MDC1: variants seen among roughly 807,000 people sequenced by gnomAD.
The protein encoded by MDC1 is mediator of DNA damage checkpoint 1, also known as mediator of DNA damage checkpoint protein 1.
In MDC1, 81 loss-of-function variants were observed where a neutral mutation model predicts 142.5. The ratio of observed to expected loss-of-function variants is 0.57; its 90% CI spans 0.47 to 0.68. The LOEUF (loss-of-function observed/expected upper bound fraction) is 0.68. Among genes scored for constraint, MDC1 ranks in the 30% least tolerant of loss-of-function variants. The probability of loss-of-function intolerance (pLI) is 0.00; values close to 1 mark genes in which losing one functional copy is unlikely to be tolerated. For missense variants in MDC1, 2,119 were observed against 2,547.9 expected (o/e 0.83, Z 3.62); for synonymous variants, 797 against 968.4 (o/e 0.82, Z 3.29).
chr6:30,711,306 G>T, intron 7 of MDC1, 106 bp downstream of exon 7: 1 of 1,001,180 alleles, frequency 1.0e-6, no homozygotes, highest in Non-Finnish European at 1.5e-6. Context: ...GGGAGGCGGA[G>T]GTTACAGTGA....
At chr6:30,700,816 T>A (rs1772497871) in intron 14 of MDC1, among the ~76,000 whole-genome samples, 184 bp from the exon 15 acceptor site, 1 of 146,884 alleles carries the variant, frequency 6.8e-6, no homozygotes, top group Non-Finnish European at 1.5e-5. Flanking sequence ...TGCCTGTAAT[T>A]ACACAGCACT....
Position 30,705,921 on chromosome 6 carries a change from C to T in MDC1, c.3262G>A (p.Glu1088Lys). Residue 1088 changes from glutamate (E) to lysine (K), a missense_variant, in exon 10 of 15, where the codon GAA becomes AAA. Transcript: ENST00000376406. ...VRKTRQDGSQ[E>K]APEAPLSSEL... The stretch of plus-strand genomic sequence containing the variant: ...GAGGACAAGGGAGCCTCTGGAGCTT[C>T]CTGACTCCCATCTTGCCTGGTCTTA... 6.2e-7 allele frequency: 1 copy of T among 1,613,870 alleles called. No homozygotes were observed. Among genetic ancestry groups the T allele is most frequent in the Non-Finnish European group, 8.5e-7 (1 of 1,179,894 alleles).
Position 30,707,921 on chromosome 6 carries a change from A to G in MDC1, c.2658T>C (p.Asp886=), listed in dbSNP as rs1173410609. ...CAATTTCTACCTTCAAACTCTCCCTATCTCTTTCAGGACTTGCACTTTCCC... is the reference window on the plus strand; with the variant it reads ...CAATTTCTACCTTCAAACTCTCCCTGTCTCTTTCAGGACTTGCACTTTCCC... The part of the protein sequence containing the change: ...KNGESASPER[D]RESLKVEIET... The change falls in exon 8 of 15, where the codon GAT becomes GAC. Residue 886 remains aspartate (D), a synonymous_variant. Coordinates refer to ENST00000376406, the MANE Select transcript of MDC1 (RefSeq NM_014641.3). 1.2e-6 allele frequency: 2 copies of G among 1,612,638 alleles called. No individual in the cohort carries two copies. The highest frequency in any genetic ancestry group is 2.7e-5 in the African/African-American group (2 of 74,854).
chr6:30,703,853 T>G lies in MDC1; in HGVS notation c.5330A>C (p.Gln1777Pro). The G allele has an allele frequency of 6.2e-7, 1 of 1,613,768 alleles. No homozygotes were observed. Among genetic ancestry groups the G allele is most frequent in the Non-Finnish European group, 8.5e-7 (1 of 1,179,846 alleles). The change falls in exon 10 of 15, where the codon CAG (glutamine) becomes CCG (proline). Residue 1777 changes from glutamine to proline, a missense_variant. Physicochemically the swap from Gln to Pro is moderately conservative, Grantham distance 76. Coordinates refer to ENST00000376406, the MANE Select transcript of MDC1 (RefSeq NM_014641.3). The surrounding 1 kb of genome is among the most constrained non-coding windows in gnomAD (Gnocchi z 4.4). ...GGCATGAATTGGTGTCTCAAGAAGC[T>G]GGGGAGAGGCAGGCTCAGGAATGGC... is the stretch of plus-strand genomic sequence containing the variant. ...LTAIPEPASP[Q>P]LLETPIHASQ...
rs1773283398 is a variant in MDC1 at position 30,704,170 on chromosome 6, G to C, written c.5013C>G (p.Thr1671=). ...EPFTPTDQSV[T]PEAIAQGGQS... ...GACCACCCTGAGCTATGGCCTCAGGGGTGACGGACTGGTCTGTGGGGGTAA... is the reference window on the plus strand; with the variant it reads ...GACCACCCTGAGCTATGGCCTCAGGCGTGACGGACTGGTCTGTGGGGGTAA... Residue 1671 remains threonine (T), a synonymous_variant, in exon 10 of 15, where the codon ACC becomes ACG. Transcript: ENST00000376406. 1 of 1,613,608 alleles carries C rather than the reference G, an allele frequency of 6.2e-7. No individual in the cohort carries two copies. The highest frequency in any genetic ancestry group is 1.3e-5 in the African/African-American group (1 of 74,906).
intron 7 of MDC1, among the ~76,000 whole-genome samples, chr6:30,710,919 C>T (rs1328422107): frequency 6.6e-6 from 1 of 151,986 alleles, no homozygotes; most frequent in African/African-American, 2.4e-5. Context: ...CTATGCTGGG[C>T]TAATTTTTTC....
intron 14 of MDC1, among the ~76,000 whole-genome samples, chr6:30,702,060 A>G (rs117136783): frequency 0.054 from 8,203 of 151,988 alleles, 397 homozygotes; most frequent in African/African-American, 0.13. Flanking sequence ...CAGGAGATCA[A>G]GACCATCCTG....
At chr6:30,708,413 G>A in intron 7 of MDC1, 56 bp from the exon 8 acceptor site, 12 of 1,411,206 alleles carry the variant, frequency 8.5e-6, no homozygotes, top group African/African-American at 1.4e-5. Context: ...AGAGGGAGAG[G>A]AAGAGGGAAA....
At chr6:30,711,616 A>T (rs1774913746) in intron 6 of MDC1, 51 bp downstream of exon 6, 3 of 1,606,066 alleles carry the variant, frequency 1.9e-6, no homozygotes, top group Non-Finnish European at 2.6e-6. Flanking sequence ...CCACCAGTCT[A>T]ATCTCCCAGC....
rs1020860938 is a variant in MDC1, at chr6:30,709,640, T to C, written c.2222-1283A>G. Among the ~76,000 whole-genome samples the C allele has an allele frequency of 3.3e-5, 5 of 152,260 alleles. No individual in the cohort carries two copies. Among genetic ancestry groups the C allele is most frequent in the African/African-American group, 1.2e-4 (5 of 41,470 alleles). On this transcript the variant is annotated intron_variant, in intron 7 of 14. Coordinates refer to ENST00000376406, the MANE Select transcript of MDC1 (RefSeq NM_014641.3). This position sits in a 1 kb window ranked among gnomAD's most constrained non-coding sequence, Gnocchi z 4.2. ...CAATCTGACTGGATTTTTGTATTCA[T>C]TAACCAACCTCTTTATGCATTCTGT...
At position 30,713,560 on chromosome 6, in the gene MDC1, T is replaced by G. The variant is rs572749210; in HGVS notation, c.587+88A>C. On this transcript the variant is annotated intron_variant, in intron 4 of 14. Coordinates refer to ENST00000376406, the MANE Select transcript of MDC1 (RefSeq NM_014641.3). This position sits in a 1 kb window ranked among gnomAD's most constrained non-coding sequence, Gnocchi z 4.9. ...TATGGTTCCCCAGCCCCAACTCTCA[T>G]GATAATCATCTCTTTTAGAGATTGA... The G allele has an allele frequency of 3.5e-6, 5 of 1,412,542 alleles. No homozygotes were observed. In the African/African-American group the frequency reaches 7.2e-5, roughly 20 times the overall value. 87.5% of individuals were successfully genotyped at this position (1,412,542 alleles called of 1,614,324 possible). A position where few individuals can be genotyped will look rare whatever the true frequency, so the allele number is the denominator to read the frequency against.
At position 30,716,715 on chromosome 6, in the gene MDC1, A is replaced by C. The variant is rs961612735; in HGVS notation, c.-4+530T>G. Reference sequence around the variant, plus strand: ...ATTAGGGGAACCGTGTCTTTCCCCTAGGGTCCATCATATTCATTCAATGGT... The same window carrying C: ...ATTAGGGGAACCGTGTCTTTCCCCTCGGGTCCATCATATTCATTCAATGGT... On this transcript the variant is annotated intron_variant, in intron 1 of 14. Transcript: ENST00000376406. The surrounding 1 kb of genome is among the most constrained non-coding windows in gnomAD (Gnocchi z 4.4). 9.8e-5 allele frequency among the ~76,000 whole-genome samples: 15 copies of C among 152,310 alleles called. No individual in the cohort carries two copies. In the Middle Eastern group the frequency reaches 0.014, roughly 138 times the overall value.
intron 7 of MDC1, among the ~76,000 whole-genome samples, chr6:30,708,708 T>C (rs1018519700): frequency 1.3e-5 from 2 of 150,858 alleles, no homozygotes; most frequent in African/African-American, 2.4e-5. Context: ...ACAAAAAAAT[T>C]AGGTGTGGGG....
chr6:30,711,133 G>C (rs1774812386), intron 7 of MDC1, among the ~76,000 whole-genome samples: 1 of 152,206 alleles, frequency 6.6e-6, no homozygotes, highest in Non-Finnish European at 1.5e-5. Flanking sequence ...CCAGCATTTT[G>C]GGAGGCCGAG....
chr6:30,700,090 G>A lies in MDC1; in HGVS notation c.*375C>T, dbSNP rs1772380973. On this transcript the variant is annotated 3_prime_UTR_variant, in exon 15 of 15. Coordinates refer to ENST00000376406, the MANE Select transcript of MDC1 (RefSeq NM_014641.3). Reference sequence around the variant, plus strand: ...AAATAGGAGGTAGGACACCATGAGTGGCATCGAGCAATAACTGCAACAGTC... The same window carrying A: ...AAATAGGAGGTAGGACACCATGAGTAGCATCGAGCAATAACTGCAACAGTC... 1 of 241,632 alleles carries A rather than the reference G, an allele frequency of 4.1e-6. No homozygotes were observed. The allele number at this position is 241,632 out of a possible 1,614,324, so 15.0% of individuals were successfully genotyped here.
chr6:30,703,790 C>T lies in MDC1; in HGVS notation c.5393G>A (p.Arg1798Lys). ...CTTAGGCTGGAGCTCCGGGGTGAAC[C>T]TAGATCTACCTGCTGGTTCCACCTT... ...IQKVEPAGRS[R>K]FTPELQPKAS... Residue 1798 changes from arginine to lysine, a missense_variant, in exon 10 of 15, where the codon AGG becomes AAG. Arg to Lys is a conservative substitution (Grantham distance 26). Coordinates refer to ENST00000376406, the MANE Select transcript of MDC1 (RefSeq NM_014641.3). This position sits in a 1 kb window ranked among gnomAD's most constrained non-coding sequence, Gnocchi z 4.4. 6.3e-7 allele frequency: 1 copy of T among 1,592,452 alleles called. No individual in the cohort carries two copies. Among genetic ancestry groups the T allele is most frequent in the Non-Finnish European group, 8.5e-7 (1 of 1,169,954 alleles).
Position 30,713,876 on chromosome 6 carries a change from T to G in MDC1, c.444A>C (p.Glu148Asp). 2 of 1,614,086 alleles carry G rather than the reference T, an allele frequency of 1.2e-6. No individual in the cohort carries two copies. Among genetic ancestry groups the G allele is most frequent in the Non-Finnish European group, 1.7e-6 (2 of 1,180,018 alleles). Reference sequence around the variant, plus strand: ...TTTCTCCCTGTACTCTGGGTGTCTCTTCTACTGTCAGAGGGCCCCGGGAGA... The same window carrying G: ...TTTCTCCCTGTACTCTGGGTGTCTCGTCTACTGTCAGAGGGCCCCGGGAGA... Reference protein sequence around the residue: ...PFVSRGPLTVEETPRVQGETQ... With the variant: ...PFVSRGPLTVDETPRVQGETQ... Residue 148 changes from glutamate (E) to aspartate (D), a missense_variant, in exon 3 of 15, where the codon GAA becomes GAC. Coordinates refer to ENST00000376406, the MANE Select transcript of MDC1 (RefSeq NM_014641.3). The surrounding 1 kb of genome is among the most constrained non-coding windows in gnomAD (Gnocchi z 4.9).
At position 30,703,209 on chromosome 6, in the gene MDC1, C is replaced by T. The variant is rs956416639; in HGVS notation, c.5760G>A (p.Ala1920=). 17 of 1,613,096 alleles carry T rather than the reference C, an allele frequency of 1.1e-5. No individual in the cohort carries two copies. The highest frequency in any genetic ancestry group is 4.5e-5 in the East Asian group (2 of 44,882). Residue 1920 remains alanine (A), a synonymous_variant, in exon 12 of 15, where the codon GCG becomes GCA. Transcript: ENST00000376406. The surrounding 1 kb of genome is among the most constrained non-coding windows in gnomAD (Gnocchi z 4.4). ...CAGTGACCAGGTGGGAAGCCTCTGC[C>T]GCTGAACCAGCCAGACTTCCCCCCA... The part of the protein sequence containing the change: ...LALGGSLAGS[A]AEASHLVTDR...
Position 30,708,193 on chromosome 6 carries a change from G to T in MDC1, c.2386C>A (p.His796Asn), listed in dbSNP as rs1258287049. ...PGDQHPESPVHTEPMGIQGRG... is the reference protein window; with the variant it reads ...PGDQHPESPVNTEPMGIQGRG... ...CCTTGAATCCCCATTGGCTCTGTGT[G>T]AACTGGGCTCTCTGGATGTTGGTCT... Residue 796 changes from histidine to asparagine, a missense_variant, in exon 8 of 15, where the codon CAC (histidine) becomes AAC (asparagine). By Grantham distance (68) the His-to-Asn change is moderately conservative. Coordinates refer to ENST00000376406, the MANE Select transcript of MDC1 (RefSeq NM_014641.3). 2.5e-6 allele frequency: 4 copies of T among 1,613,030 alleles called. No homozygotes were observed. The highest frequency in any genetic ancestry group is 3.4e-6 in the Non-Finnish European group (4 of 1,180,048).
Sources: gnomAD v4.1 joint callset for allele counts (sites outside exome capture counted in the v4.1 genomes callset) on GRCh38, gnomAD v4.1.1 for gene constraint, Gnocchi (gnomAD v3.1) non-coding constraint, MANE v1.5 for transcripts, NCBI Gene and HGNC (gene_info 2026-07-23, HGNC 2026-07-21) for gene names.